DTNA: variants seen among roughly 807,000 people sequenced by gnomAD.
The protein encoded by DTNA is dystrobrevin alpha.
Under a neutral mutation model 100.7 loss-of-function variants are expected in DTNA, and 43 were observed. That is an observed-to-expected ratio of 0.43 (90% CI 0.33 to 0.55). DTNA has a LOEUF of 0.55. Ranked by LOEUF, DTNA falls within the 20% of genes least tolerant of loss-of-function variation. The pLI, the probability that DTNA is intolerant of heterozygous loss-of-function variation, is 0.04. For synonymous variants in DTNA, 349 were observed against 347.9 expected, an observed-to-expected ratio of 1.00 and a Z score of -0.04; for missense variants, 798 against 953.9, an observed-to-expected ratio of 0.84 and a Z score of 2.15.
At chr18:34,592,473 C>T (rs1269921121) in intron 1 of DTNA, among the ~76,000 whole-genome samples, 1 of 141,768 alleles carries the variant, frequency 7.1e-6, no homozygotes, top group African/African-American at 2.5e-5. Context: ...GTATAACACA[C>T]ACACACACAC....
At chr18:34,796,104 T>C (rs1015108350) in intron 4 of DTNA, among the ~76,000 whole-genome samples, 13 of 152,256 alleles carry the variant, frequency 8.5e-5, no homozygotes, top group African/African-American at 2.2e-4. Flanking sequence ...GTAGTAGATT[T>C]ATAAACACAT....
At chr18:34,829,041 C>G in intron 10 of DTNA, 1 of 1,614,126 alleles carries the variant, frequency 6.2e-7, no homozygotes, top group Non-Finnish European at 8.5e-7. Flanking sequence ...ATCATTTCAG[C>G]TCGGACGGTG....
At chr18:34,762,967 A>T (rs73424238) in intron 2 of DTNA, among the ~76,000 whole-genome samples, 2,132 of 152,174 alleles carry the variant, frequency 0.014, 58 homozygotes, top group African/African-American at 0.048. Flanking sequence ...CCTTTGCCGT[A>T]TTTCCCCCAG....
chr18:34,614,753 G>GAAGT (rs2147659776), intron 1 of DTNA, among the ~76,000 whole-genome samples: 1 of 152,316 alleles, frequency 6.6e-6, no homozygotes, highest in South Asian at 2.1e-4. Flanking sequence ...ATGAGCAAAG[G>GAAGT]AAGTGGTTTC....
chr18:34,676,720 A>G (rs1232138865), intron 1 of DTNA, among the ~76,000 whole-genome samples: 1 of 152,166 alleles, frequency 6.6e-6, no homozygotes, highest in Non-Finnish European at 1.5e-5. Flanking sequence ...CTGTAGTCCC[A>G]GCTACTCAGG....
chr18:34,645,012 G>T (rs2059680330), intron 1 of DTNA, among the ~76,000 whole-genome samples: 1 of 151,996 alleles, frequency 6.6e-6, no homozygotes, highest in Admixed American at 6.5e-5. Flanking sequence ...GTAAGGTAAC[G>T]ACAAACTGAA....
chr18:34,805,898 G>A (rs532101551), intron 4 of DTNA, among the ~76,000 whole-genome samples: 1 of 152,216 alleles, frequency 6.6e-6, no homozygotes, highest in Admixed American at 6.5e-5. Flanking sequence ...AGCATGTTCT[G>A]TTATTTAAAT....
chr18:34,883,911 TAA>T (rs2096897788), intron 21 of DTNA, among the ~76,000 whole-genome samples: 1 of 152,140 alleles, frequency 6.6e-6, no homozygotes, highest in Non-Finnish European at 1.5e-5. Flanking sequence ...AAGAAAAACA[TAA>T]GTGACTCTAT....
chr18:34,665,418 T>C (rs2075776413), intron 1 of DTNA, among the ~76,000 whole-genome samples: 2 of 152,110 alleles, frequency 1.3e-5, no homozygotes, highest in African/African-American at 4.8e-5. Flanking sequence ...AGAAGAATTA[T>C]TTATATATAT....
chr18:34,806,147 G>A, intron 4 of DTNA, 72 bp from the exon 5 acceptor site: 1 of 1,321,088 alleles, frequency 7.6e-7, no homozygotes. Context: ...CCTTGTTGCT[G>A]GAAGTACTCC....
At chr18:34,821,577 G>A (rs999067671) in intron 9 of DTNA, 5 of 448,740 alleles carry the variant, frequency 1.1e-5, no homozygotes, top group African/African-American at 1.0e-4. Context: ...TCTCAGGCCT[G>A]GGTGGCCAAG....
chr18:34,606,068 A>G (rs934606631), intron 1 of DTNA, among the ~76,000 whole-genome samples: 2 of 152,212 alleles, frequency 1.3e-5, no homozygotes, highest in African/African-American at 2.4e-5. Flanking sequence ...AGATAGGGAT[A>G]TAAGAAAGTA....
intron 1 of DTNA, among the ~76,000 whole-genome samples, chr18:34,545,656 G>A (rs1023471673): frequency 6.6e-6 from 1 of 152,008 alleles, no homozygotes; most frequent in East Asian, 1.9e-4. Flanking sequence ...TGTCAGATAT[G>A]CAAGTTTGGA....
intron 1 of DTNA, among the ~76,000 whole-genome samples, chr18:34,562,166 C>T (rs1041671154): frequency 6.6e-6 from 1 of 152,148 alleles, no homozygotes; most frequent in Non-Finnish European, 1.5e-5. Context: ...TATAATAAAA[C>T]CGTACAACAA....
At chr18:34,811,859 T>A (rs2095493115) in intron 5 of DTNA, 100 bp from the exon 6 acceptor site, 1 of 1,364,740 alleles carries the variant, frequency 7.3e-7, no homozygotes, top group South Asian at 1.3e-5. Context: ...TAAAAAATGT[T>A]TATTTTGCTA....
At chr18:34,881,517 T>C (rs1050791130) in intron 20 of DTNA, among the ~76,000 whole-genome samples, 7 of 143,704 alleles carry the variant, frequency 4.9e-5, no homozygotes, top group Non-Finnish European at 1.1e-4. Flanking sequence ...TGGCATTGAC[T>C]AGCTGATATT....
At chr18:34,810,762 G>A (rs547878134) in intron 5 of DTNA, among the ~76,000 whole-genome samples, 1 of 152,294 alleles carries the variant, frequency 6.6e-6, no homozygotes, top group African/African-American at 2.4e-5. Flanking sequence ...ATCCTGATGT[G>A]ATCATTACAC....
chr18:34,656,978 G>T (rs1245922625), intron 1 of DTNA, among the ~76,000 whole-genome samples: 1 of 152,084 alleles, frequency 6.6e-6, no homozygotes. Context: ...CCAGGCTCAA[G>T]CAATTCTCAT....
chr18:34,822,424 G>A (rs1207249397), intron 9 of DTNA: 1 of 152,216 alleles, frequency 6.6e-6, no homozygotes, highest in African/African-American at 2.4e-5. Flanking sequence ...TTCACCCCAA[G>A]AGAGCAGCCT....
Sources: gnomAD v4.1 joint callset for allele counts (sites outside exome capture counted in the v4.1 genomes callset) on GRCh38, gnomAD v4.1.1 for gene constraint, MANE v1.5 for transcripts, NCBI Gene and HGNC (gene_info 2026-07-23, HGNC 2026-07-21) for gene names.